Variants in MB21D2 observed in about 807,000 individuals in gnomAD.
The protein encoded by MB21D2 is Mab-21 domain containing 2.
A neutral mutation model predicts 33.3 loss-of-function variants in MB21D2; 9 were observed. The ratio of observed to expected loss-of-function variants is 0.27; its 90% CI spans 0.16 to 0.47. The LOEUF (loss-of-function observed/expected upper bound fraction) is 0.47. Among genes scored for constraint, MB21D2 ranks in the 20% least tolerant of loss-of-function variants. The pLI is 0.99. For synonymous variants in MB21D2, 241 were observed against 236.3 expected (o/e 1.02, Z -0.18); for missense variants, 540 against 624.6 (o/e 0.86, Z 1.44).
At chr3:192,881,209 A>T (rs1406214871) in intron 1 of MB21D2, among the ~76,000 whole-genome samples, 1 of 152,086 alleles carries the variant, frequency 6.6e-6, no homozygotes, top group African/African-American at 2.4e-5. Flanking sequence ...AGCATCCTTT[A>T]TCCCCTCTGG....
chr3:192,861,972 C>T (rs1181846211), intron 1 of MB21D2, among the ~76,000 whole-genome samples: 2 of 152,160 alleles, frequency 1.3e-5, no homozygotes. Flanking sequence ...TAAAATACAA[C>T]CACACAAGAG....
chr3:192,830,320 T>G (rs1157645916), intron 1 of MB21D2, among the ~76,000 whole-genome samples: 1 of 151,938 alleles, frequency 6.6e-6, no homozygotes, highest in Non-Finnish European at 1.5e-5. Context: ...CTGATGGACA[T>G]CTGAGCTCTG....
At chr3:192,851,431 G>A (rs1475219580) in intron 1 of MB21D2, among the ~76,000 whole-genome samples, 1 of 150,202 alleles carries the variant, frequency 6.7e-6, no homozygotes. Flanking sequence ...ATTAGAGAGT[G>A]ATCAATGTGA....
chr3:192,804,123 GTTTCACGTCATGCT>G (rs1711611713), intron 1 of MB21D2, among the ~76,000 whole-genome samples: 1 of 152,108 alleles, frequency 6.6e-6, no homozygotes, highest in South Asian at 2.1e-4. Context: ...TAAGGAATGT[GTTTCACGTCATGCT>G]TTCAGTTATT....
In MB21D2 at chr3:192,798,492, T is replaced by G; in HGVS notation, c.1370A>C (p.Lys457Thr). Reference sequence around the variant, plus strand: ...GTTCTCAGTCACTAGCTGCTGCAGTTTTTTTGCCAAACGGTCATCAGGCTG... The same window carrying G: ...GTTCTCAGTCACTAGCTGCTGCAGTGTTTTTGCCAAACGGTCATCAGGCTG... ...PNQPDDRLAK[K>T]LQQLVTENPG... The change falls in exon 2 of 2, where the codon AAA becomes ACA. Residue 457 changes from lysine (K) to threonine (T), a missense_variant. By Grantham distance (78) the Lys-to-Thr change is moderately conservative (BLOSUM62 -1). Transcript: ENST00000392452. The surrounding 1 kb of genome is among the most constrained non-coding windows in gnomAD (Gnocchi z 4.8). 1.2e-6 allele frequency: 2 copies of G among 1,614,218 alleles called. No individual in the cohort carries two copies. The highest frequency in any genetic ancestry group is 1.7e-6 in the Non-Finnish European group (2 of 1,180,030).
At chr3:192,827,387 T>C (rs1712199679) in intron 1 of MB21D2, among the ~76,000 whole-genome samples, 1 of 152,038 alleles carries the variant, frequency 6.6e-6, no homozygotes. Flanking sequence ...GCAGATTGTG[T>C]TCCCTGGGCT....
intron 1 of MB21D2, among the ~76,000 whole-genome samples, chr3:192,882,522 T>C (rs1713622245): frequency 6.6e-6 from 1 of 152,194 alleles, no homozygotes; most frequent in Non-Finnish European, 1.5e-5. Flanking sequence ...ACTGGTGTAC[T>C]GTCTCATAGG....
intron 1 of MB21D2, among the ~76,000 whole-genome samples, chr3:192,889,377 C>G (rs1713803046): frequency 6.6e-6 from 1 of 152,102 alleles, no homozygotes; most frequent in African/African-American, 2.4e-5. Flanking sequence ...ACCCAGAGAG[C>G]AGGAGCTCTT....
chr3:192,866,021 C>CAT (rs1713159657), intron 1 of MB21D2, among the ~76,000 whole-genome samples: 2 of 151,262 alleles, frequency 1.3e-5, no homozygotes, highest in Non-Finnish European at 2.9e-5. Context: ...GTACTCTGGC[C>CAT]TGGGCAGCAG....
chr3:192,873,344 T>G (rs766488979), intron 1 of MB21D2, among the ~76,000 whole-genome samples: 1 of 152,174 alleles, frequency 6.6e-6, no homozygotes, highest in Non-Finnish European at 1.5e-5. Context: ...AGCTTCATCA[T>G]AGCACACAAA....
chr3:192,827,776 C>T (rs1403506666), intron 1 of MB21D2, among the ~76,000 whole-genome samples: 2 of 152,116 alleles, frequency 1.3e-5, no homozygotes, highest in Non-Finnish European at 2.9e-5. Flanking sequence ...TTGCTTCCCG[C>T]TCCCCACCAT....
intron 1 of MB21D2, among the ~76,000 whole-genome samples, chr3:192,887,068 G>A (rs1713748304): frequency 6.6e-6 from 1 of 151,976 alleles, no homozygotes; most frequent in South Asian, 2.1e-4. Context: ...TTCATTTCGA[G>A]AAGACGCTGA....
At chr3:192,904,887 G>C (rs2108653304) in intron 1 of MB21D2, among the ~76,000 whole-genome samples, 1 of 152,332 alleles carries the variant, frequency 6.6e-6, no homozygotes, top group Admixed American at 6.5e-5. Flanking sequence ...GTCCCTGGGA[G>C]GCCTTGGGCT....
At chr3:192,842,725 T>C (rs944372388) in intron 1 of MB21D2, among the ~76,000 whole-genome samples, 8 of 152,330 alleles carry the variant, frequency 5.3e-5, no homozygotes, top group African/African-American at 1.7e-4. Context: ...AGTCATCCTA[T>C]GTAACAAAAG....
chr3:192,814,757 G>T (rs6805242), intron 1 of MB21D2, among the ~76,000 whole-genome samples: 1 of 151,786 alleles, frequency 6.6e-6, no homozygotes, highest in African/African-American at 2.4e-5. Context: ...CCCAGCTACT[G>T]GGGAGGCTGA....
intron 1 of MB21D2, among the ~76,000 whole-genome samples, chr3:192,893,524 T>C (rs1713899416): frequency 6.6e-6 from 1 of 152,142 alleles, no homozygotes; most frequent in Non-Finnish European, 1.5e-5. Flanking sequence ...ACACAGTAAG[T>C]GACAGAAGAA....
chr3:192,843,902 G>A (rs1712624822), intron 1 of MB21D2, among the ~76,000 whole-genome samples: 1 of 152,120 alleles, frequency 6.6e-6, no homozygotes, highest in African/African-American at 2.4e-5. Context: ...CAGACAAGGA[G>A]CCTCTTGAAA....
At chr3:192,904,318 G>C (rs756593005) in intron 1 of MB21D2, among the ~76,000 whole-genome samples, 2 of 152,178 alleles carry the variant, frequency 1.3e-5, no homozygotes, top group Admixed American at 6.5e-5. Flanking sequence ...TCAGTTTTCA[G>C]AGCAGGCTGC....
At chr3:192,895,615 G>A (rs2108648974) in intron 1 of MB21D2, among the ~76,000 whole-genome samples, 1 of 152,216 alleles carries the variant, frequency 6.6e-6, no homozygotes, top group Admixed American at 6.5e-5. Context: ...AACTATTAAA[G>A]AAAAAGAAAA....
Sources: gnomAD v4.1 joint callset for allele counts (sites outside exome capture counted in the v4.1 genomes callset) on GRCh38, gnomAD v4.1.1 for gene constraint, Gnocchi (gnomAD v3.1) non-coding constraint, MANE v1.5 for transcripts, NCBI Gene and HGNC (gene_info 2026-07-23, HGNC 2026-07-21) for gene names.